Variants in SORBS2 observed in about 807,000 individuals in gnomAD.
SORBS2 encodes the protein sorbin and SH3 domain containing 2, also known as sorbin and SH3 domain-containing protein 2.
Under a neutral mutation model 97.7 loss-of-function variants are expected in SORBS2, and 46 were observed. The ratio of observed to expected loss-of-function variants is 0.47; its 90% confidence interval spans 0.37 to 0.60. The LOEUF is 0.60. Ranked by LOEUF, SORBS2 falls within the 20% of genes least tolerant of loss-of-function variation. The probability of loss-of-function intolerance (pLI) is 0.00; values close to 1 mark genes in which losing one functional copy is unlikely to be tolerated. For missense variants in SORBS2, 1,316 were observed against 1,282.3 expected (o/e 1.03, Z -0.40); for synonymous variants, 476 against 473.4 (o/e 1.01, Z -0.07).
intron 1 of SORBS2, chr4:185,812,899 T>C (rs931525438): frequency 6.6e-5 from 10 of 152,250 alleles, no homozygotes; most frequent in African/African-American, 2.2e-4. Context: ...TAAAAATTCT[T>C]TTTAAAAAAT....
chr4:185,806,583 G>A (rs889988357), intron 1 of SORBS2, among the ~76,000 whole-genome samples: 6 of 149,366 alleles, frequency 4.0e-5, no homozygotes, highest in East Asian at 4.0e-4. Context: ...TCAGCCTCCC[G>A]AGTAGCTGGG....
chr4:185,943,478 TA>T (rs2099273081), intron 1 of SORBS2, among the ~76,000 whole-genome samples: 1 of 152,158 alleles, frequency 6.6e-6, no homozygotes, highest in Admixed American at 6.5e-5. Flanking sequence ...ACTCAAGCTG[TA>T]AGAAGTAATT....
intron 3 of SORBS2, among the ~76,000 whole-genome samples, chr4:185,648,997 G>A (rs756938739): frequency 1.1e-4 from 16 of 152,160 alleles, no homozygotes; most frequent in Non-Finnish European, 2.4e-4. Flanking sequence ...AGTGGAGAAA[G>A]GAAAACTCGT....
intron 2 of SORBS2, among the ~76,000 whole-genome samples, chr4:185,695,492 T>C (rs13149134): frequency 0.13 from 17,178 of 133,970 alleles, 1,033 homozygotes; most frequent in Middle Eastern, 0.22. Flanking sequence ...TAGGAAAACA[T>C]TGCAGGATGT....
chr4:185,679,261 C>T (rs535026879), intron 2 of SORBS2, among the ~76,000 whole-genome samples: 9 of 152,110 alleles, frequency 5.9e-5, no homozygotes, highest in East Asian at 1.9e-4. Flanking sequence ...TTCTGTAGTT[C>T]GCATTTTTTT....
At chr4:185,697,053 G>C (rs1258372310) in intron 2 of SORBS2, among the ~76,000 whole-genome samples, 1 of 152,128 alleles carries the variant, frequency 6.6e-6, no homozygotes, top group Non-Finnish European at 1.5e-5. Flanking sequence ...TTGGAAGAAT[G>C]GGTCAAGAAA....
At chr4:185,910,951 T>C (rs1043178206) in intron 1 of SORBS2, among the ~76,000 whole-genome samples, 1 of 152,042 alleles carries the variant, frequency 6.6e-6, no homozygotes, top group African/African-American at 2.4e-5. Context: ...AATGCGGTGT[T>C]TGATTTTTTA....
At position 185,675,740 on chromosome 4, in the gene SORBS2, A is replaced by G. The variant is rs182810105; in HGVS notation, c.-46+2683T>C. ...AGCTCCTATTAATGTTATTATTATT[A>G]TTATCATCTGATTTCATAGGTGCTT... On this transcript the variant is annotated intron_variant, in intron 4 of 20. Coordinates refer to the SORBS2 transcript ENST00000284776. Among the ~76,000 whole-genome samples, 10 of 152,354 alleles carry G rather than the reference A, an allele frequency of 6.6e-5. No homozygotes were observed. In the East Asian group the frequency reaches 9.6e-4, roughly 15 times the overall value.
chr4:185,948,706 C>A (rs1026624604), intron 1 of SORBS2, among the ~76,000 whole-genome samples: 3 of 151,546 alleles, frequency 2.0e-5, no homozygotes, highest in Non-Finnish European at 4.4e-5. Flanking sequence ...TTAGTAGAGA[C>A]AGGGTTTCAT....
At chr4:185,746,914 C>T (rs1334821812) in intron 2 of SORBS2, among the ~76,000 whole-genome samples, 1 of 152,108 alleles carries the variant, frequency 6.6e-6, no homozygotes, top group Non-Finnish European at 1.5e-5. Flanking sequence ...GTGCCTGTGC[C>T]CTGTATTTGA....
intron 1 of SORBS2, among the ~76,000 whole-genome samples, chr4:185,903,042 G>A (rs2099248573): frequency 6.6e-6 from 1 of 152,186 alleles, no homozygotes; most frequent in Non-Finnish European, 1.5e-5. Flanking sequence ...GGTGCTGTGA[G>A]TATTAAGTCC....
At chr4:185,805,887 A>G (rs1345544561) in intron 1 of SORBS2, among the ~76,000 whole-genome samples, 1 of 152,248 alleles carries the variant, frequency 6.6e-6, no homozygotes, top group Non-Finnish European at 1.5e-5. Flanking sequence ...GGTTATTGTT[A>G]TCTAATCTCC....
chr4:185,679,788 G>A (rs989594607), intron 2 of SORBS2, among the ~76,000 whole-genome samples: 3 of 152,194 alleles, frequency 2.0e-5, no homozygotes, highest in African/African-American at 4.8e-5. Flanking sequence ...AATTTTACAT[G>A]CTGGAAAAGT....
intron 2 of SORBS2, among the ~76,000 whole-genome samples, chr4:185,723,085 G>T (rs930420971): frequency 2.0e-5 from 3 of 152,002 alleles, no homozygotes; most frequent in Middle Eastern, 3.4e-3. Context: ...AGCTCAGAAA[G>T]TTATTTGTAA....
chr4:185,649,605 TG>T lies in SORBS2; in HGVS notation c.142del (p.Gln48LysfsTer93). On this transcript the variant is annotated frameshift_variant, in exon 3 of 15. Coordinates refer to ENST00000418609, the Ensembl canonical transcript of SORBS2. LOFTEE classifies it high-confidence loss of function. ...GCTTTTGGAAAGAGGTCTGTAGGTT[TG>T]GGTCTTTGCAGCAGGGTGTGACTGA... The T allele has an allele frequency of 6.3e-7, 1 of 1,597,680 alleles. No individual in the cohort carries two copies. Among genetic ancestry groups the T allele is most frequent in the Non-Finnish European group, 8.5e-7 (1 of 1,172,108 alleles).
intron 1 of SORBS2, among the ~76,000 whole-genome samples, chr4:185,901,913 G>A (rs2099247981): frequency 6.6e-6 from 1 of 152,244 alleles, no homozygotes; most frequent in Non-Finnish European, 1.5e-5. Context: ...TAAAAAGCAG[G>A]CTTTCTGTTA....
intron 2 of SORBS2, among the ~76,000 whole-genome samples, chr4:185,757,814 C>A (rs538585537): frequency 3.3e-5 from 5 of 152,298 alleles, no homozygotes; most frequent in African/African-American, 9.6e-5. Context: ...TAGATCTATA[C>A]AACTGGATGG....
chr4:185,790,752 T>C (rs570766425), intron 1 of SORBS2, among the ~76,000 whole-genome samples: 1 of 152,352 alleles, frequency 6.6e-6, no homozygotes, highest in South Asian at 2.1e-4. Context: ...AGACAAATAC[T>C]CTAAAATATG....
chr4:185,732,836 T>C (rs962662969), intron 2 of SORBS2, among the ~76,000 whole-genome samples: 1 of 152,244 alleles, frequency 6.6e-6, no homozygotes, highest in Non-Finnish European at 1.5e-5. Flanking sequence ...ATTGAGGTCA[T>C]ACTGGAGAAA....
Sources: allele counts gnomAD v4.1 joint callset (sites outside exome capture counted in the v4.1 genomes callset), GRCh38; gene constraint gnomAD v4.1.1; transcripts MANE v1.5; gene names NCBI Gene and HGNC (gene_info 2026-07-23, HGNC 2026-07-21).